UBASH3B: variants seen among roughly 807,000 people sequenced by gnomAD.
UBASH3B encodes the protein ubiquitin-associated and SH3 domain-containing protein B.
UBASH3B carries 37 observed loss-of-function variants against 83.4 expected under a neutral mutation model. The observed-to-expected ratio is 0.44, with a 90% CI of 0.34 to 0.58. The LOEUF (loss-of-function observed/expected upper bound fraction) is 0.58. UBASH3B is among the 20% of genes least tolerant of loss of function. The pLI, the probability that UBASH3B is intolerant of heterozygous loss-of-function variation, is 0.01. For synonymous variants in UBASH3B, 304 were observed against 318.3 expected (o/e 0.96, Z 0.48); for missense variants, 657 against 827.2 (o/e 0.79, Z 2.52).
At position 122,794,828 on chromosome 11, in the gene UBASH3B, C is replaced by A; in HGVS notation, c.1107C>A (p.Pro369=). 6.2e-7 allele frequency: 1 copy of A among 1,613,752 alleles called. No individual in the cohort carries two copies. The highest frequency in any genetic ancestry group is 1.1e-5 in the South Asian group (1 of 91,050). Residue 369 remains proline (P), a synonymous_variant, in exon 7 of 14, where the codon CCC becomes CCA. Coordinates refer to ENST00000284273, the MANE Select transcript of UBASH3B (RefSeq NM_032873.5). ...CTCCTCTTACTATCATCTGCCAGCC[C>A]ATGCAGGTAAGGCTGATTGCTAGGG... is the stretch of plus-strand genomic sequence containing the variant. ...ETTPLTIICQ[P]MQPLRVNSQP...
chr11:122,776,618 AG>A (rs1860739427), intron 2 of UBASH3B, among the ~76,000 whole-genome samples: 1 of 152,170 alleles, frequency 6.6e-6, no homozygotes, highest in Admixed American at 6.5e-5. Context: ...ATCCCTACCC[AG>A]GGTGGGTCCT....
intron 1 of UBASH3B, among the ~76,000 whole-genome samples, chr11:122,757,067 C>T (rs1172550498): frequency 2.0e-5 from 3 of 152,186 alleles, no homozygotes; most frequent in African/African-American, 7.2e-5. Flanking sequence ...AATATATATA[C>T]TATTATTCGA....
intron 1 of UBASH3B, among the ~76,000 whole-genome samples, chr11:122,701,736 G>C (rs1284811396): frequency 1.3e-5 from 2 of 152,148 alleles, no homozygotes; most frequent in Non-Finnish European, 2.9e-5. Context: ...AGATGTCCTT[G>C]CTTTGGTCTG....
At chr11:122,753,961 G>A (rs1984602) in intron 1 of UBASH3B, among the ~76,000 whole-genome samples, 147,032 of 152,312 alleles carry the variant, frequency 0.97, 71,237 homozygotes, top group Middle Eastern at 1. Flanking sequence ...CTAGTGCAGC[G>A]ATGTCCAGCC....
intron 1 of UBASH3B, among the ~76,000 whole-genome samples, chr11:122,696,246 G>A (rs1863963393): frequency 6.6e-6 from 1 of 151,568 alleles, no homozygotes; most frequent in South Asian, 2.1e-4. Context: ...TACTGCGCCC[G>A]GCCCCAAATA....
Position 122,807,327 on chromosome 11 carries a change from T to C in UBASH3B, c.1703-740T>C, listed in dbSNP as rs78383159. 9.7e-3 allele frequency among the ~76,000 whole-genome samples: 1,473 copies of C among 152,300 alleles called. 9 individuals are homozygous for C. The highest frequency in any genetic ancestry group is 0.012 in the Non-Finnish European group (829 of 68,026). ...ATGGTGTTACAAAAAGCTACACATA[T>C]GATAGAATTGCATGAACTGTATCGT... On this transcript the variant is annotated intron_variant, in intron 12 of 13. Coordinates refer to ENST00000284273, the MANE Select transcript of UBASH3B (RefSeq NM_032873.5).
At chr11:122,729,810 A>C (rs1407484251) in intron 1 of UBASH3B, among the ~76,000 whole-genome samples, 1 of 148,124 alleles carries the variant, frequency 6.8e-6, no homozygotes, top group African/African-American at 2.5e-5. Context: ...AAAAAAAAAA[A>C]AAAAAAAAAC....
intron 1 of UBASH3B, among the ~76,000 whole-genome samples, chr11:122,670,260 G>A (rs943675064): frequency 3.9e-5 from 6 of 151,992 alleles, no homozygotes; most frequent in African/African-American, 7.3e-5. Context: ...TTGTACTTAC[G>A]GGTCACAGAG....
At position 122,783,305 on chromosome 11, in the gene UBASH3B, T is replaced by A. The variant is rs12284663; in HGVS notation, c.771+83T>A. On this transcript the variant is annotated intron_variant, in intron 5 of 13. Transcript: ENST00000284273. ...CAGCTCGCTGCTGCAGGGAGATGGG[T>A]ACCTACAGGGGAAAAATGGAGCAAG... 7.5e-4 allele frequency: 1,115 copies of A among 1,494,238 alleles called. 10 individuals are homozygous for A. In the African/African-American group the frequency reaches 0.014, roughly 18 times the overall value. 92.6% of individuals were successfully genotyped at this position (1,494,238 alleles called of 1,614,324 possible). A position where few individuals can be genotyped will look rare whatever the true frequency, so the allele number is the denominator to read the frequency against.
chr11:122,666,638 C>T (rs1251111155), intron 1 of UBASH3B, among the ~76,000 whole-genome samples: 2 of 152,042 alleles, frequency 1.3e-5, no homozygotes, highest in South Asian at 2.1e-4. Flanking sequence ...AGGCTGGTCT[C>T]GATCTCCTGA....
At chr11:122,791,840 G>A (rs1393588814) in intron 6 of UBASH3B, among the ~76,000 whole-genome samples, 3 of 152,194 alleles carry the variant, frequency 2.0e-5, no homozygotes, top group Non-Finnish European at 4.4e-5. Context: ...AAGGAAATAT[G>A]TTCTCTCCAC....
At chr11:122,717,876 T>C (rs11218771) in intron 1 of UBASH3B, among the ~76,000 whole-genome samples, 59,747 of 150,774 alleles carry the variant, frequency 0.4, 12,539 homozygotes, top group East Asian at 0.72. Context: ...TAAATTCAAC[T>C]GTACGTGGAT....
chr11:122,797,777 G>A (rs1364410410), intron 9 of UBASH3B, among the ~76,000 whole-genome samples: 2 of 152,174 alleles, frequency 1.3e-5, no homozygotes, highest in African/African-American at 2.4e-5. Context: ...AGGAATAGGA[G>A]TGAGGAAATG....
chr11:122,714,988 C>T (rs867457728), intron 1 of UBASH3B, among the ~76,000 whole-genome samples: 18 of 152,252 alleles, frequency 1.2e-4, no homozygotes, highest in African/African-American at 2.9e-4. Context: ...CTCTGTCGCC[C>T]GGGCTGGAGT....
chr11:122,688,262 T>TCCCTTCCTC (rs1003235896), intron 1 of UBASH3B, among the ~76,000 whole-genome samples: 7 of 151,808 alleles, frequency 4.6e-5, no homozygotes, highest in Non-Finnish European at 8.8e-5. Context: ...TTCCCTTCCT[T>TCCCTTCCTC]CCCTTCCTCC....
intron 11 of UBASH3B, among the ~76,000 whole-genome samples, chr11:122,801,752 G>T (rs1861262662): frequency 6.6e-6 from 1 of 151,996 alleles, no homozygotes; most frequent in South Asian, 2.1e-4. Context: ...GTTTATTATT[G>T]CTATATCCCC....
At chr11:122,780,316 T>C (rs1860827533) in intron 4 of UBASH3B, among the ~76,000 whole-genome samples, 1 of 152,230 alleles carries the variant, frequency 6.6e-6, no homozygotes, top group South Asian at 2.1e-4. Flanking sequence ...ACCTGAGATT[T>C]CCTGTCAAAG....
Position 122,725,158 on chromosome 11 carries a change from C to G in UBASH3B, c.162-51061C>G, listed in dbSNP as rs112295376. 2.7e-5 allele frequency among the ~76,000 whole-genome samples: 4 copies of G among 149,916 alleles called. No homozygotes were observed. In the East Asian group the frequency reaches 7.9e-4, roughly 30 times the overall value. Reference sequence around the variant, plus strand: ...CTAATTTTTGTAATTTTACTAGAGACAGGGTTTCACCATGTTGGCCAGGCT... The same window carrying G: ...CTAATTTTTGTAATTTTACTAGAGAGAGGGTTTCACCATGTTGGCCAGGCT... On this transcript the variant is annotated intron_variant, in intron 1 of 13. Transcript: ENST00000284273.
chr11:122,791,149 C>T (rs1280480105), intron 6 of UBASH3B, among the ~76,000 whole-genome samples: 2 of 152,320 alleles, frequency 1.3e-5, no homozygotes, highest in East Asian at 3.9e-4. Flanking sequence ...TCTCTGAGAA[C>T]AATGTCTGAA....
Sources: allele counts gnomAD v4.1 joint callset (sites outside exome capture counted in the v4.1 genomes callset), GRCh38; gene constraint gnomAD v4.1.1; transcripts MANE v1.5; gene names NCBI Gene and HGNC (gene_info 2026-07-23, HGNC 2026-07-21).